Variants in ACOXL observed in about 807,000 individuals in gnomAD.
ACOXL encodes the protein acyl-CoA oxidase like.
In ACOXL, 70 loss-of-function variants were observed where a neutral mutation model predicts 71.9. That is an observed-to-expected ratio of 0.97 (90% confidence interval 0.80 to 1.19). ACOXL has a LOEUF of 1.19. ACOXL is among the 50% of genes most tolerant of loss of function. The pLI, the probability that ACOXL is intolerant of heterozygous loss-of-function variation, is 0.00. For synonymous variants in ACOXL, 253 were observed against 281.6 expected, an observed-to-expected ratio of 0.90 and a Z score of 1.02; for missense variants, 703 against 736.3, an observed-to-expected ratio of 0.95 and a Z score of 0.52.
intron 8 of ACOXL, among the ~76,000 whole-genome samples, chr2:110,804,322 G>A (rs930549729): frequency 6.6e-6 from 1 of 152,164 alleles, no homozygotes; most frequent in African/African-American, 2.4e-5. Flanking sequence ...GATAACAAGT[G>A]TTGGGGAGGA....
intron 14 of ACOXL, among the ~76,000 whole-genome samples, chr2:111,024,933 G>T (rs2149721839): frequency 6.7e-6 from 1 of 150,314 alleles, no homozygotes; most frequent in Non-Finnish European, 1.5e-5. Flanking sequence ...TAATTTACAT[G>T]AATTAAAATT....
chr2:111,092,890 T>C lies in ACOXL; in HGVS notation c.1466T>C (p.Leu489Pro). The C allele has an allele frequency of 6.2e-7, 1 of 1,614,112 alleles. No homozygotes were observed. Among genetic ancestry groups the C allele is most frequent in the Non-Finnish European group, 8.5e-7 (1 of 1,179,990 alleles). Reference protein sequence around the residue: ...MKFCLLYGTKLVFQERAWYLE... With the variant: ...MKFCLLYGTKPVFQERAWYLE... ...TTTTGTCTGTTGTATGGAACCAAGCTGGTGTTTCAGGAGCGGGCCTGGTAT... is the reference window on the plus strand; with the variant it reads ...TTTTGTCTGTTGTATGGAACCAAGCCGGTGTTTCAGGAGCGGGCCTGGTAT... Residue 489 changes from leucine to proline, a missense_variant, in exon 17 of 18, where the codon CTG (leucine) becomes CCG (proline). Transcript: ENST00000439055.
intron 10 of ACOXL, among the ~76,000 whole-genome samples, chr2:110,849,524 G>T (rs1692338747): frequency 6.6e-6 from 1 of 152,230 alleles, no homozygotes; most frequent in South Asian, 2.1e-4. Context: ...TTGGGAGGCT[G>T]AGGCAGGTGG....
At chr2:110,951,600 C>T (rs10185377) in intron 12 of ACOXL, among the ~76,000 whole-genome samples, 58,575 of 152,072 alleles carry the variant, frequency 0.39, 11,677 homozygotes, top group East Asian at 0.55. Context: ...CAGATATTCT[C>T]TATTATGTTA....
At chr2:111,081,284 C>T (rs1337313132) in intron 16 of ACOXL, among the ~76,000 whole-genome samples, 3 of 152,182 alleles carry the variant, frequency 2.0e-5, no homozygotes, top group African/African-American at 7.2e-5. Context: ...ATCGTCTCAG[C>T]CCAGAATCTC....
intron 1 of ACOXL, among the ~76,000 whole-genome samples, chr2:110,753,927 A>G (rs1421732742): frequency 6.6e-6 from 1 of 152,066 alleles, no homozygotes; most frequent in African/African-American, 2.4e-5. Context: ...GGTGCATATT[A>G]TTATTTCATT....
chr2:111,109,767 C>G (rs1025455622), intron 17 of ACOXL, among the ~76,000 whole-genome samples: 3 of 144,948 alleles, frequency 2.1e-5, no homozygotes, highest in Non-Finnish European at 4.5e-5. Context: ...CAACTTCTGC[C>G]TCCCAGGTTC....
At chr2:110,792,187 C>T (rs1330218330) in intron 3 of ACOXL, among the ~76,000 whole-genome samples, 3 of 152,216 alleles carry the variant, frequency 2.0e-5, no homozygotes, top group Non-Finnish European at 4.4e-5. Context: ...GCTCCCAACT[C>T]ATCCTAAAGC....
chr2:111,111,856 A>G (rs2069989508), intron 17 of ACOXL, among the ~76,000 whole-genome samples: 1 of 152,236 alleles, frequency 6.6e-6, no homozygotes, highest in South Asian at 2.1e-4. Flanking sequence ...CTTAGAGATA[A>G]GGAAGGTAGT....
intron 12 of ACOXL, among the ~76,000 whole-genome samples, chr2:110,959,446 T>G (rs2149441439): frequency 6.6e-6 from 1 of 152,282 alleles, no homozygotes. Context: ...GTGCGAAGTC[T>G]TTATTCCTGG....
chr2:110,789,382 G>A (rs562370640), intron 3 of ACOXL, among the ~76,000 whole-genome samples: 6 of 152,224 alleles, frequency 3.9e-5, no homozygotes, highest in Admixed American at 6.5e-5. Context: ...CCTATTATCT[G>A]TCTTAGCCTG....
chr2:110,799,209 A>G (rs1374248975), intron 7 of ACOXL, 109 bp downstream of exon 7: 4 of 1,057,910 alleles, frequency 3.8e-6, no homozygotes, highest in Non-Finnish European at 5.8e-6. Context: ...AGGGTGGAGA[A>G]AACTTCCCCA....
chr2:110,776,899 C>G (rs1203590390), intron 2 of ACOXL, among the ~76,000 whole-genome samples: 1 of 151,774 alleles, frequency 6.6e-6, no homozygotes, highest in African/African-American at 2.4e-5. Flanking sequence ...AGAGGTGGTG[C>G]TAGCTGGGAC....
intron 12 of ACOXL, among the ~76,000 whole-genome samples, chr2:110,957,372 C>T (rs2061537693): frequency 6.6e-6 from 1 of 152,198 alleles, no homozygotes; most frequent in Non-Finnish European, 1.5e-5. Flanking sequence ...ATTGATTTAT[C>T]TCTGGTCAGG....
At chr2:110,970,343 A>C (rs323649) in intron 12 of ACOXL, among the ~76,000 whole-genome samples, 6 of 152,334 alleles carry the variant, frequency 3.9e-5, no homozygotes, top group African/African-American at 1.4e-4. Context: ...ACATTCAAAA[A>C]TCAATCAAAT....
chr2:111,099,347 T>C (rs754270236), intron 17 of ACOXL: 1 of 152,228 alleles, frequency 6.6e-6, no homozygotes, highest in Admixed American at 6.5e-5. Flanking sequence ...AGCAGGTCCA[T>C]ATTCATTCTT....
chr2:111,066,792 GAA>G (rs1461399386), intron 16 of ACOXL, among the ~76,000 whole-genome samples: 2 of 152,118 alleles, frequency 1.3e-5, no homozygotes, highest in Non-Finnish European at 2.9e-5. Flanking sequence ...TATTGAATGA[GAA>G]AAGACACAAT....
At chr2:110,998,242 TA>T (rs1395079320) in intron 14 of ACOXL, among the ~76,000 whole-genome samples, 1 of 152,230 alleles carries the variant, frequency 6.6e-6, no homozygotes, top group Non-Finnish European at 1.5e-5. Context: ...CTGACTTTAG[TA>T]ATTAGAGAAA....
chr2:111,063,766 C>G (rs2066925839), intron 16 of ACOXL, among the ~76,000 whole-genome samples: 1 of 152,184 alleles, frequency 6.6e-6, no homozygotes, highest in Non-Finnish European at 1.5e-5. Context: ...ACTAGGAGTT[C>G]TAGCCAGTGC....
Sources: allele counts gnomAD v4.1 joint callset (sites outside exome capture counted in the v4.1 genomes callset), GRCh38; gene constraint gnomAD v4.1.1; transcripts MANE v1.5; gene names NCBI Gene and HGNC (gene_info 2026-07-23, HGNC 2026-07-21).